RIMS1: variants seen among roughly 807,000 people sequenced by gnomAD.
RIMS1 encodes regulating synaptic membrane exocytosis 1.
A neutral mutation model predicts 214.1 loss-of-function variants in RIMS1; 83 were observed. The observed-to-expected ratio is 0.39, with a 90% CI of 0.32 to 0.47. The LOEUF is 0.47. Among genes scored for constraint, RIMS1 ranks in the 20% least tolerant of loss-of-function variants. RIMS1 has a pLI of 0.99. For missense variants in RIMS1, 2,050 were observed against 2,161.8 expected (o/e 0.95, Z 1.03); for synonymous variants, 793 against 786.8 (o/e 1.01, Z -0.13).
intron 4 of RIMS1, among the ~76,000 whole-genome samples, chr6:72,130,602 T>C (rs1348218664): frequency 6.6e-6 from 1 of 152,176 alleles, no homozygotes; most frequent in Non-Finnish European, 1.5e-5. Flanking sequence ...GATAGTGTTA[T>C]TGGAAATTTT....
intron 2 of RIMS1, among the ~76,000 whole-genome samples, chr6:72,096,269 T>C (rs369589899): frequency 2.0e-5 from 3 of 152,312 alleles, no homozygotes. Context: ...TTTAGAACTT[T>C]TGATGTGAAC....
chr6:72,156,503 G>C (rs2044462846), intron 4 of RIMS1, among the ~76,000 whole-genome samples: 1 of 140,146 alleles, frequency 7.1e-6, no homozygotes, highest in South Asian at 2.4e-4. Flanking sequence ...TAGGTAAAAG[G>C]GTACTACCTT....
chr6:72,353,138 C>G (rs1171215259), intron 29 of RIMS1, among the ~76,000 whole-genome samples: 1 of 151,688 alleles, frequency 6.6e-6, no homozygotes, highest in Non-Finnish European at 1.5e-5. Context: ...GCACCCACTA[C>G]CACGCTCAGC....
At chr6:71,996,891 T>C (rs1023522617) in intron 2 of RIMS1, among the ~76,000 whole-genome samples, 7 of 152,208 alleles carry the variant, frequency 4.6e-5, no homozygotes, top group Admixed American at 1.3e-4. Flanking sequence ...AAGTTTCAAA[T>C]TAAAAATGAA....
chr6:72,131,569 C>T (rs576893993), intron 4 of RIMS1, among the ~76,000 whole-genome samples: 2 of 152,188 alleles, frequency 1.3e-5, no homozygotes, highest in South Asian at 4.1e-4. Flanking sequence ...ACAAAGATCA[C>T]GTACTTCACA....
At chr6:71,958,113 G>A (rs1458147806) in intron 1 of RIMS1, among the ~76,000 whole-genome samples, 1 of 152,060 alleles carries the variant, frequency 6.6e-6, no homozygotes, top group Non-Finnish European at 1.5e-5. Flanking sequence ...CTATCATAGT[G>A]CTTAATAAAT....
intron 31 of RIMS1, among the ~76,000 whole-genome samples, chr6:72,395,254 G>A (rs1345972619): frequency 2.0e-5 from 3 of 152,008 alleles, no homozygotes; most frequent in African/African-American, 7.2e-5. Context: ...TGCCTGAACT[G>A]TTTTAAGAAA....
intron 1 of RIMS1, among the ~76,000 whole-genome samples, chr6:71,937,502 C>T (rs1055848973): frequency 6.6e-6 from 1 of 152,130 alleles, no homozygotes; most frequent in African/African-American, 2.4e-5. Flanking sequence ...GTCTGCCTTC[C>T]TGGGCCTCCC....
intron 2 of RIMS1, among the ~76,000 whole-genome samples, chr6:72,080,157 G>C (rs953767411): frequency 6.6e-6 from 1 of 150,760 alleles, no homozygotes; most frequent in Non-Finnish European, 1.5e-5. Flanking sequence ...CCAGCTACTT[G>C]GGAGGCTGAG....
chr6:71,914,867 C>T (rs1338435187), intron 1 of RIMS1, among the ~76,000 whole-genome samples: 1 of 152,082 alleles, frequency 6.6e-6, no homozygotes, highest in South Asian at 2.1e-4. Context: ...TTTAGGGCCT[C>T]TTTTGCTGGC....
intron 10 of RIMS1, 75 bp from the exon 11 acceptor site, chr6:72,245,740 C>T (rs369612077): frequency 6.9e-5 from 79 of 1,139,842 alleles, no homozygotes; most frequent in Non-Finnish European, 8.6e-5. Flanking sequence ...TTTCACATCA[C>T]GTATAATGGG....
At chr6:72,010,537 A>G (rs971198403) in intron 2 of RIMS1, among the ~76,000 whole-genome samples, 2 of 152,206 alleles carry the variant, frequency 1.3e-5, no homozygotes, top group Non-Finnish European at 2.9e-5. Flanking sequence ...AGGAAGTCAA[A>G]TTGTCCCTGT....
At chr6:72,128,347 C>T (rs2153837131) in intron 4 of RIMS1, among the ~76,000 whole-genome samples, 1 of 152,234 alleles carries the variant, frequency 6.6e-6, no homozygotes, top group African/African-American at 2.4e-5. Context: ...AGAAGGAAAA[C>T]TGTCTCTTCC....
intron 3 of RIMS1, 109 bp from the exon 4 acceptor site, chr6:72,099,866 A>G (rs1399608946): frequency 1.2e-6 from 1 of 803,438 alleles, no homozygotes; most frequent in Admixed American, 2.2e-5. Context: ...TACTTTGAAG[A>G]AACACATAAT....
intron 2 of RIMS1, among the ~76,000 whole-genome samples, chr6:72,049,436 A>G (rs1036389484): frequency 6.6e-6 from 1 of 152,194 alleles, no homozygotes; most frequent in Non-Finnish European, 1.5e-5. Flanking sequence ...TTTATTTCAG[A>G]TATTGTCAAA....
intron 2 of RIMS1, among the ~76,000 whole-genome samples, chr6:71,983,894 G>A (rs1026850175): frequency 1.3e-5 from 2 of 152,068 alleles, no homozygotes; most frequent in Admixed American, 1.3e-4. Flanking sequence ...ATTAAAAAAC[G>A]TATTTTGGTT....
intron 1 of RIMS1, among the ~76,000 whole-genome samples, chr6:71,942,256 A>T (rs184435661): frequency 9.2e-5 from 14 of 152,338 alleles, no homozygotes; most frequent in Admixed American, 9.1e-4. Context: ...AACTAATTCT[A>T]TGTTCATTGC....
At chr6:71,988,585 C>T (rs1800700711) in intron 2 of RIMS1, among the ~76,000 whole-genome samples, 1 of 152,072 alleles carries the variant, frequency 6.6e-6, no homozygotes, top group Admixed American at 6.5e-5. Flanking sequence ...AATGTCTACC[C>T]ATAGGAAAAT....
chr6:72,023,500 A>ATAT (rs748608621), intron 2 of RIMS1, among the ~76,000 whole-genome samples: 6 of 152,106 alleles, frequency 3.9e-5, no homozygotes, highest in Non-Finnish European at 8.8e-5. Context: ...CCTGTAGGAA[A>ATAT]ATGTGTCCTT....
Sources: gnomAD v4.1 joint callset for allele counts (sites outside exome capture counted in the v4.1 genomes callset) on GRCh38, gnomAD v4.1.1 for gene constraint, MANE v1.5 for transcripts, NCBI Gene and HGNC (gene_info 2026-07-23, HGNC 2026-07-21) for gene names.